Variants in NPY observed in about 807,000 individuals in gnomAD.
NPY encodes pro-neuropeptide Y.
NPY carries 11 observed loss-of-function variants against 13.2 expected under a neutral mutation model. The observed-to-expected ratio is 0.83, with a 90% CI of 0.52 to 1.38. The LOEUF is 1.38. NPY is among the 40% of genes most tolerant of loss of function. NPY has a pLI of 0.00. For missense variants in NPY, 109 were observed against 125.1 expected (o/e 0.87, Z 0.61); for synonymous variants, 51 against 55.6 (o/e 0.92, Z 0.37).
In NPY at chr7:24,291,702, T is replaced by A. The variant is rs1462591636; in HGVS notation, c.*15T>A. 3.7e-6 allele frequency: 6 copies of A among 1,614,146 alleles called. No homozygotes were observed. Among genetic ancestry groups the A allele is most frequent in the South Asian group, 1.1e-5 (1 of 91,080 alleles). On this transcript the variant is annotated 3_prime_UTR_variant, in exon 4 of 4. Transcript: ENST00000242152. ...CAATGTGGTGATGGGAAATGAGACT[T>A]GCTCTCTGGCCTTTTCCTATTTTCA...
Position 24,289,548 on chromosome 7 carries a change from A to T in NPY, c.238A>T (p.Arg80Ter). Residue 80 changes from arginine to a stop codon, truncating the protein, a stop_gained, in exon 3 of 4, where the codon AGA (arginine) becomes TGA (stop). Coordinates refer to ENST00000242152, the MANE Select transcript of NPY (RefSeq NM_000905.4). LOFTEE classifies it high-confidence loss of function. ...PETLISDLLM[R>*]ESTENVPRTR... ...GACACTGATTTCAGACCTCTTGATG[A>T]GAGAAAGCACAGAAAATGTTCCCAG... 3 of 1,611,126 alleles carry T rather than the reference A, an allele frequency of 1.9e-6. No homozygotes were observed. The highest frequency in any genetic ancestry group is 2.5e-6 in the Non-Finnish European group (3 of 1,178,494).
chr7:24,291,062 G>A (rs932783123), intron 3 of NPY, among the ~76,000 whole-genome samples: 2 of 151,972 alleles, frequency 1.3e-5, no homozygotes, highest in African/African-American at 2.4e-5. Flanking sequence ...AAATAACAAC[G>A]CAGACCTACT....
intron 2 of NPY, among the ~76,000 whole-genome samples, chr7:24,288,343 T>G (rs1205434553): frequency 6.6e-6 from 1 of 152,198 alleles, no homozygotes; most frequent in Non-Finnish European, 1.5e-5. Context: ...AGTTGTTTTG[T>G]TTTTGCTTCC....
chr7:24,284,685 A>G (rs1583569236), intron 1 of NPY, among the ~76,000 whole-genome samples: 1 of 152,074 alleles, frequency 6.6e-6, no homozygotes, highest in East Asian at 1.9e-4. Flanking sequence ...CTGGAGCTCT[A>G]GAGCCCCGCG....
At chr7:24,284,455 C>A (rs1787278460) in intron 1 of NPY, among the ~76,000 whole-genome samples, 180 bp downstream of exon 1, 1 of 152,218 alleles carries the variant, frequency 6.6e-6, no homozygotes. Context: ...CGGCTAAATT[C>A]CACTTGTTCC....
intron 2 of NPY, among the ~76,000 whole-genome samples, chr7:24,287,908 C>A (rs1181219248): frequency 6.6e-6 from 1 of 152,052 alleles, no homozygotes; most frequent in Non-Finnish European, 1.5e-5. Context: ...TGGGATGGGG[C>A]CTGGGCTTTA....
intron 2 of NPY, among the ~76,000 whole-genome samples, chr7:24,286,803 G>T (rs1715568054): frequency 6.6e-6 from 1 of 152,104 alleles, no homozygotes; most frequent in South Asian, 2.1e-4. Flanking sequence ...GCTATGTTAT[G>T]CCGTCATGCA....
intron 2 of NPY, 25 bp from the exon 3 acceptor site, chr7:24,289,474 C>T: frequency 1.9e-6 from 3 of 1,571,426 alleles, no homozygotes; most frequent in Non-Finnish European, 2.6e-6. Context: ...TCCAAACTTG[C>T]TTTAAAAGAC....
Position 24,285,132 on chromosome 7 carries a change from G to A in NPY, c.1-109G>A. On this transcript the variant is annotated intron_variant, in intron 1 of 3. Coordinates refer to ENST00000242152, the MANE Select transcript of NPY (RefSeq NM_000905.4). This position sits in a 1 kb window ranked among gnomAD's most constrained non-coding sequence, Gnocchi z 4.9. Reference sequence around the variant, plus strand: ...CGGGACTGGGACGAGAGCGGATTGGGGGTCGCGTGTGGTAGCAGGAGGAGG... The same window carrying A: ...CGGGACTGGGACGAGAGCGGATTGGAGGTCGCGTGTGGTAGCAGGAGGAGG... 2 of 1,117,810 alleles carry A rather than the reference G, an allele frequency of 1.8e-6. No individual in the cohort carries two copies. The highest frequency in any genetic ancestry group is 1.7e-5 in the Admixed American group (1 of 57,470). The allele number at this position is 1,117,810 out of a possible 1,614,324, so 69.2% of individuals were successfully genotyped here. A position where few individuals can be genotyped will look rare whatever the true frequency, so the allele number is the denominator to read the frequency against.
chr7:24,291,020 T>G (rs1252642480), intron 3 of NPY, among the ~76,000 whole-genome samples: 1 of 152,006 alleles, frequency 6.6e-6, no homozygotes, highest in East Asian at 1.9e-4. Flanking sequence ...AGTAAAAAGT[T>G]TAGGGTAGAC....
chr7:24,286,549 A>G (rs1226945223), intron 2 of NPY, among the ~76,000 whole-genome samples: 1 of 152,156 alleles, frequency 6.6e-6, no homozygotes, highest in Non-Finnish European at 1.5e-5. Flanking sequence ...GAAAGGATCC[A>G]AAAGGGGGGA....
At chr7:24,288,185 A>T (rs1391299874) in intron 2 of NPY, among the ~76,000 whole-genome samples, 2 of 152,250 alleles carry the variant, frequency 1.3e-5, no homozygotes, top group Non-Finnish European at 2.9e-5. Flanking sequence ...TGATGAAGAT[A>T]AATGAGTTAC....
At chr7:24,286,847 TAACTG>T (rs1787404415) in intron 2 of NPY, among the ~76,000 whole-genome samples, 1 of 152,222 alleles carries the variant, frequency 6.6e-6, no homozygotes, top group Non-Finnish European at 1.5e-5. Context: ...AAAAAGATAT[TAACTG>T]TTTTTTCTAG....
intron 3 of NPY, among the ~76,000 whole-genome samples, chr7:24,290,775 A>AATAATAATTATTATTATTATTATTATT (rs10701264): frequency 2.1e-4 from 27 of 129,636 alleles, no homozygotes; most frequent in South Asian, 2.6e-4. Context: ...TAATAATAAT[A>AATAATAATTATTATTATTATTATTATT]ATTATTATTA....
intron 2 of NPY, among the ~76,000 whole-genome samples, chr7:24,287,086 T>C (rs1246756080): frequency 6.6e-6 from 1 of 152,236 alleles, no homozygotes; most frequent in Non-Finnish European, 1.5e-5. Flanking sequence ...GCTATTTTTA[T>C]AGGAATTATG....
intron 2 of NPY, among the ~76,000 whole-genome samples, chr7:24,287,330 T>C (rs997083211): frequency 2.0e-5 from 3 of 152,180 alleles, no homozygotes; most frequent in Admixed American, 2.0e-4. Flanking sequence ...GTCCATCTTC[T>C]CCTTCCCACC....
rs559577908 is a variant in NPY, at chr7:24,286,449, T to A, written c.188+1021T>A. Among the ~76,000 whole-genome samples the A allele has an allele frequency of 5.3e-5, 8 of 152,336 alleles. No individual in the cohort carries two copies. In the South Asian group the frequency reaches 1.7e-3, roughly 32 times the overall value. ...TTAGAAGCATTAATGTTAGTTAACA[T>A]GTTTAAATTATATGTTTAAAGTATT... is the stretch of plus-strand genomic sequence containing the variant. On this transcript the variant is annotated intron_variant, in intron 2 of 3. Transcript: ENST00000242152.
rs1787307272 is a variant in NPY, at chr7:24,285,064, C to G, written c.1-177C>G. 1 of 657,220 alleles carries G rather than the reference C, an allele frequency of 1.5e-6. No individual in the cohort carries two copies. The highest frequency in any genetic ancestry group is 2.6e-6 in the Non-Finnish European group (1 of 384,590). 40.7% of individuals were successfully genotyped at this position (657,220 alleles called of 1,614,324 possible). A position where few individuals can be genotyped will look rare whatever the true frequency, so the allele number is the denominator to read the frequency against. ...GGGCAGGTCCCGACCGGACGGCGCC[C>G]GGAGCCCGCAAGGTGGTGCTAGCCA... On this transcript the variant is annotated intron_variant, in intron 1 of 3. Coordinates refer to ENST00000242152, the MANE Select transcript of NPY (RefSeq NM_000905.4). This position sits in a 1 kb window ranked among gnomAD's most constrained non-coding sequence, Gnocchi z 4.9.
Position 24,285,336 on chromosome 7 carries a change from G to C in NPY, c.96G>C (p.Lys32Asn). The stretch of plus-strand genomic sequence containing the variant: ...CGCTGGCCGAGGCGTACCCCTCCAA[G>C]CCGGACAACCCGGGCGAGGACGCAC... ...LGALAEAYPS[K>N]PDNPGEDAPA... The change falls in exon 2 of 4, where the codon AAG becomes AAC. Residue 32 changes from lysine (K) to asparagine (N), a missense_variant. Physicochemically the swap from Lys to Asn is moderately conservative, Grantham distance 94 (BLOSUM62 0). Transcript: ENST00000242152. The surrounding 1 kb of genome is among the most constrained non-coding windows in gnomAD (Gnocchi z 4.9). 1 of 1,614,038 alleles carries C rather than the reference G, an allele frequency of 6.2e-7. No individual in the cohort carries two copies. Among genetic ancestry groups the C allele is most frequent in the Middle Eastern group, 1.7e-4 (1 of 6,056 alleles).
Sources: allele counts gnomAD v4.1 joint callset (sites outside exome capture counted in the v4.1 genomes callset), GRCh38; gene constraint gnomAD v4.1.1; non-coding constraint Gnocchi (gnomAD v3.1); transcripts MANE v1.5; gene names NCBI Gene and HGNC (gene_info 2026-07-23, HGNC 2026-07-21).